ADAM23: variants seen among roughly 807,000 people sequenced by gnomAD.
ADAM23 encodes the protein ADAM metallopeptidase domain 23, also known as disintegrin and metalloproteinase domain-containing protein 23.
Under a neutral mutation model 120.1 loss-of-function variants are expected in ADAM23, and 33 were observed. The observed-to-expected ratio is 0.27, with a 90% CI of 0.21 to 0.37. The LOEUF (loss-of-function observed/expected upper bound fraction) is 0.37, where lower values mean the gene tolerates loss of function less well. Ranked by LOEUF, ADAM23 falls within the 10% of genes least tolerant of loss-of-function variation. The pLI is 1.00. For synonymous variants in ADAM23, 367 were observed against 375.2 expected (o/e 0.98, Z 0.25); for missense variants, 862 against 1,058.2 (o/e 0.81, Z 2.57).
chr2:206,591,062 T>G (rs1340080128), intron 21 of ADAM23, among the ~76,000 whole-genome samples: 1 of 152,188 alleles, frequency 6.6e-6, no homozygotes, highest in African/African-American at 2.4e-5. Context: ...CCAGACACGA[T>G]GGCTTATGCC....
intron 2 of ADAM23, among the ~76,000 whole-genome samples, chr2:206,480,176 C>G (rs1010155600): frequency 6.6e-6 from 1 of 152,056 alleles, no homozygotes; most frequent in African/African-American, 2.4e-5. Context: ...AGAAAGACTT[C>G]ATGAAAAGCA....
rs1286320544 is a variant in ADAM23 at position 206,620,960 on chromosome 2, TGTTA to T, written c.*3337_*3340del. On this transcript the variant is annotated 3_prime_UTR_variant, in exon 26 of 26. Transcript: ENST00000264377. Reference sequence around the variant, plus strand: ...GTTTTATAGTCATTGTTGCTTCCATTGTTAGTTTCCATTTTCAAGTGCTTTGTAA... The same window carrying T: ...GTTTTATAGTCATTGTTGCTTCCATTGTTTCCATTTTCAAGTGCTTTGTAA... The T allele has an allele frequency of 6.6e-6, 1 of 152,218 alleles. No individual in the cohort carries two copies. Among genetic ancestry groups the T allele is most frequent in the Admixed American group, 6.5e-5 (1 of 15,278 alleles). 9.4% of individuals were successfully genotyped at this position (152,218 alleles called of 1,614,324 possible).
chr2:206,518,644 A>G (rs774442345), intron 3 of ADAM23, among the ~76,000 whole-genome samples: 3 of 152,198 alleles, frequency 2.0e-5, no homozygotes, highest in Non-Finnish European at 4.4e-5. Flanking sequence ...GATCTTGATC[A>G]TTAGCTCTCA....
At chr2:206,543,860 A>T (rs746561096) in intron 6 of ADAM23, among the ~76,000 whole-genome samples, 1 of 152,190 alleles carries the variant, frequency 6.6e-6, no homozygotes, top group East Asian at 1.9e-4. Flanking sequence ...GACTATTACT[A>T]TAAGTGAAGT....
At position 206,590,523 on chromosome 2, in the gene ADAM23, A is replaced by G. The variant is rs193065983; in HGVS notation, c.1958+1009A>G. Among the ~76,000 whole-genome samples the G allele has an allele frequency of 1.6e-3, 237 of 152,338 alleles. 2 individuals are homozygous for G. The highest frequency in any genetic ancestry group is 5.4e-3 in the African/African-American group (224 of 41,578). Reference sequence around the variant, plus strand: ...CCCAAACCTCTTTCCTTTTCCTTCTAAAGCAATGAAAATTCTCCTAATTTT... The same window carrying G: ...CCCAAACCTCTTTCCTTTTCCTTCTGAAGCAATGAAAATTCTCCTAATTTT... On this transcript the variant is annotated intron_variant, in intron 21 of 25. Coordinates refer to ENST00000264377, the MANE Select transcript of ADAM23 (RefSeq NM_003812.4).
At chr2:206,582,899 TAG>T (rs760344332) in intron 18 of ADAM23, among the ~76,000 whole-genome samples, 17 of 152,216 alleles carry the variant, frequency 1.1e-4, no homozygotes, top group Non-Finnish European at 2.2e-4. Flanking sequence ...TTTTAGCTTG[TAG>T]AGTTTCTGCT....
chr2:206,617,156 A>G (rs537920656), intron 25 of ADAM23, among the ~76,000 whole-genome samples: 22 of 152,312 alleles, frequency 1.4e-4, no homozygotes, highest in African/African-American at 3.6e-4. Flanking sequence ...TAGAACTGCT[A>G]TAAGCCTGAA....
intron 3 of ADAM23, among the ~76,000 whole-genome samples, chr2:206,527,382 G>T (rs1022961619): frequency 6.6e-6 from 1 of 152,170 alleles, no homozygotes; most frequent in Non-Finnish European, 1.5e-5. Context: ...CTTCCTGGCT[G>T]GGTGGGGCTG....
At chr2:206,556,403 T>C (rs184983944) in intron 9 of ADAM23, among the ~76,000 whole-genome samples, 1 of 152,296 alleles carries the variant, frequency 6.6e-6, no homozygotes, top group East Asian at 1.9e-4. Flanking sequence ...AATGTAGAAA[T>C]ATTTTGAATC....
intron 2 of ADAM23, among the ~76,000 whole-genome samples, chr2:206,474,997 T>G (rs149704877): frequency 6.6e-6 from 1 of 152,216 alleles, no homozygotes; most frequent in African/African-American, 2.4e-5. Flanking sequence ...GGCATAAGTA[T>G]GGCACTTTTT....
intron 3 of ADAM23, among the ~76,000 whole-genome samples, chr2:206,512,830 A>G (rs371881603): frequency 7.2e-4 from 109 of 152,230 alleles, no homozygotes; most frequent in African/African-American, 9.6e-4. Context: ...CATTTTTCCA[A>G]CAGCGCATGC....
intron 3 of ADAM23, among the ~76,000 whole-genome samples, chr2:206,500,513 A>C (rs1308256410): frequency 1.3e-5 from 2 of 152,206 alleles, no homozygotes; most frequent in African/African-American, 4.8e-5. Flanking sequence ...TGAATGATAC[A>C]GGGTCTGTAA....
chr2:206,499,098 G>A (rs1294293542), intron 3 of ADAM23, among the ~76,000 whole-genome samples: 2 of 151,954 alleles, frequency 1.3e-5, no homozygotes, highest in African/African-American at 4.8e-5. Flanking sequence ...TGATTCCTCA[G>A]GGATCTAGAA....
At chr2:206,456,804 G>A (rs550293748) in intron 2 of ADAM23, among the ~76,000 whole-genome samples, 1 of 152,302 alleles carries the variant, frequency 6.6e-6, no homozygotes, top group Non-Finnish European at 1.5e-5. Flanking sequence ...TCCAAGCACA[G>A]CTAGAGACAT....
intron 3 of ADAM23, among the ~76,000 whole-genome samples, chr2:206,484,374 A>G (rs1289924615): frequency 1.3e-5 from 2 of 152,100 alleles, no homozygotes; most frequent in Non-Finnish European, 2.9e-5. Context: ...CTTCATTAGA[A>G]ATCATGTGCT....
intron 15 of ADAM23, among the ~76,000 whole-genome samples, chr2:206,568,847 C>T (rs1697940802): frequency 6.6e-6 from 1 of 151,990 alleles, no homozygotes; most frequent in South Asian, 2.1e-4. Context: ...TGGTAACTAA[C>T]AGGATAATTT....
At chr2:206,574,077 G>T (rs909309637) in intron 18 of ADAM23, among the ~76,000 whole-genome samples, 34 of 152,122 alleles carry the variant, frequency 2.2e-4, no homozygotes, top group Admixed American at 6.5e-5. Context: ...ATGATTTCTT[G>T]TTATGAATGC....
Position 206,445,516 on chromosome 2 carries a change from CATA to C in ADAM23, c.429_431del (p.Asn143del), listed in dbSNP as rs1412438303. 2 of 1,612,912 alleles carry C rather than the reference CATA, an allele frequency of 1.2e-6. No homozygotes were observed. Among genetic ancestry groups the C allele is most frequent in the Non-Finnish European group, 1.7e-6 (2 of 1,179,472 alleles). On this transcript the variant is annotated inframe_deletion, in exon 2 of 26. Transcript: ENST00000264377. ...CACAAAGGCAAGACACCAGCAAAAA[CATA>C]ATAAGGTAGGCAGGAGGCTGGCTAT... is the stretch of plus-strand genomic sequence containing the variant.
chr2:206,541,325 A>G (rs566643357), intron 4 of ADAM23, among the ~76,000 whole-genome samples: 13 of 152,208 alleles, frequency 8.5e-5, no homozygotes, highest in Non-Finnish European at 1.8e-4. Context: ...TAAACAATGA[A>G]TATAGATTTA....
Sources: allele counts gnomAD v4.1 joint callset (sites outside exome capture counted in the v4.1 genomes callset), GRCh38; gene constraint gnomAD v4.1.1; transcripts MANE v1.5; gene names NCBI Gene and HGNC (gene_info 2026-07-23, HGNC 2026-07-21).